Variants in TMCO4 observed in about 807,000 individuals in gnomAD.
The protein encoded by TMCO4 is transmembrane and coiled-coil domains 4.
In TMCO4, 58 loss-of-function variants were observed where a neutral mutation model predicts 64.7. That is an observed-to-expected ratio of 0.90 (90% CI 0.73 to 1.12). The LOEUF (loss-of-function observed/expected upper bound fraction) is 1.12. Among genes scored for constraint, TMCO4 ranks in the 50% most tolerant of loss-of-function variants. The probability of loss-of-function intolerance (pLI) is 0.00; values close to 1 mark genes in which losing one functional copy is unlikely to be tolerated. For synonymous variants in TMCO4, 325 were observed against 346.1 expected, an observed-to-expected ratio of 0.94 and a Z score of 0.68; for missense variants, 780 against 825.9, an observed-to-expected ratio of 0.94 and a Z score of 0.68.
intron 6 of TMCO4, among the ~76,000 whole-genome samples, chr1:19,759,569 C>A (rs541548460): frequency 6.6e-6 from 1 of 152,350 alleles, no homozygotes; most frequent in Non-Finnish European, 1.5e-5. Context: ...CAGGCACCAG[C>A]AGCTCAAGAA....
chr1:19,697,463 T>G (rs1213446374), intron 14 of TMCO4, among the ~76,000 whole-genome samples: 1 of 149,678 alleles, frequency 6.7e-6, no homozygotes, highest in Non-Finnish European at 1.5e-5. Context: ...AGACATAGTC[T>G]CGCTCTGTTG....
At chr1:19,690,150 A>G (rs756704805) in intron 15 of TMCO4, among the ~76,000 whole-genome samples, 2 of 152,214 alleles carry the variant, frequency 1.3e-5, no homozygotes, top group African/African-American at 4.8e-5. Flanking sequence ...TCATCACTCA[A>G]TAAAACTCCT....
intron 2 of TMCO4, among the ~76,000 whole-genome samples, chr1:19,797,736 C>T (rs1046490467): frequency 7.3e-5 from 11 of 151,530 alleles, no homozygotes; most frequent in African/African-American, 9.7e-5. Context: ...TGATGGTGGG[C>T]GCCTGTAGTT....
intron 13 of TMCO4, among the ~76,000 whole-genome samples, chr1:19,714,877 C>T (rs1023815013): frequency 5.3e-5 from 8 of 151,932 alleles, no homozygotes; most frequent in Non-Finnish European, 1.0e-4. Flanking sequence ...AAGCCCAGAT[C>T]GCGCCACTGC....
intron 8 of TMCO4, 24 bp downstream of exon 8, chr1:19,747,139 G>C (rs1227826823): frequency 6.2e-6 from 10 of 1,610,230 alleles, no homozygotes; most frequent in Middle Eastern, 1.7e-4. Flanking sequence ...CCAGACGTGT[G>C]CCACCATCTC....
Position 19,700,761 on chromosome 1 carries a change from G to C in TMCO4, c.1382+7C>G. ...CACTTCCCCGCTGGCACGAGGTTTG[G>C]ACAGACCTGCAGTAGCCGTTGATGA... On this transcript the variant is annotated splice_region_variant and intron_variant, in intron 14 of 15. Coordinates refer to ENST00000294543, the MANE Select transcript of TMCO4 (RefSeq NM_181719.7). 6.2e-7 allele frequency: 1 copy of C among 1,612,814 alleles called. No individual in the cohort carries two copies. Among genetic ancestry groups the C allele is most frequent in the Non-Finnish European group, 8.5e-7 (1 of 1,178,816 alleles).
At chr1:19,744,967 T>C (rs1410168834) in intron 10 of TMCO4, among the ~76,000 whole-genome samples, 2 of 151,944 alleles carry the variant, frequency 1.3e-5, no homozygotes, top group African/African-American at 4.8e-5. Flanking sequence ...ACTTTATAAA[T>C]ACCGCTACAT....
chr1:19,778,561 G>A lies in TMCO4; in HGVS notation c.179+2019C>T, dbSNP rs114617112. Among the ~76,000 whole-genome samples the A allele has an allele frequency of 3.3e-3, 505 of 152,240 alleles. 1 individual carries two copies. The highest frequency in any genetic ancestry group is 0.014 in the Middle Eastern group (4 of 294). ...ATTACAGGCGTGAGCCACTGCACCC[G>A]GCTACATCATCTCATTTAATTCCTG... On this transcript the variant is annotated intron_variant, in intron 4 of 15. Transcript: ENST00000294543.
At chr1:19,735,355 G>A (rs967720511) in intron 13 of TMCO4, among the ~76,000 whole-genome samples, 1 of 152,162 alleles carries the variant, frequency 6.6e-6, no homozygotes, top group Non-Finnish European at 1.5e-5. Context: ...CTAGCCCAAG[G>A]TCCGACAGCC....
chr1:19,748,865 T>C (rs1176923614), intron 7 of TMCO4, among the ~76,000 whole-genome samples: 1 of 141,790 alleles, frequency 7.1e-6, no homozygotes, highest in African/African-American at 2.5e-5. Flanking sequence ...TGAAATAAAA[T>C]ACATAAGTAA....
intron 2 of TMCO4, among the ~76,000 whole-genome samples, chr1:19,795,565 C>T (rs924475418): frequency 2.6e-5 from 4 of 152,134 alleles, no homozygotes; most frequent in African/African-American, 7.2e-5. Flanking sequence ...ATGTTAGCCA[C>T]GTGTCACCTC....
intron 13 of TMCO4, among the ~76,000 whole-genome samples, chr1:19,701,591 C>T (rs2095272644): frequency 6.6e-6 from 1 of 152,182 alleles, no homozygotes; most frequent in Non-Finnish European, 1.5e-5. Context: ...ACAAAGCTCA[C>T]ACCAGCCGTG....
At chr1:19,722,477 T>C (rs2095389491) in intron 13 of TMCO4, among the ~76,000 whole-genome samples, 1 of 152,126 alleles carries the variant, frequency 6.6e-6, no homozygotes, top group Non-Finnish European at 1.5e-5. Context: ...GTGGGTATCG[T>C]TTGATCTACA....
intron 4 of TMCO4, among the ~76,000 whole-genome samples, chr1:19,774,210 T>C (rs1003776028): frequency 6.6e-6 from 1 of 152,212 alleles, no homozygotes; most frequent in Non-Finnish European, 1.5e-5. Context: ...AGCAAATTTA[T>C]ATACAGAAAG....
rs538675772 is a variant in TMCO4 at position 19,793,191 on chromosome 1, C to T, written c.-101+4946G>A. On this transcript the variant is annotated intron_variant, in intron 2 of 15. Transcript: ENST00000294543. ...CAGCTCCTGGACCCCACCAGGCTTT[C>T]TCTCTCTCTCCTTTTTCTGATTGCA... is the stretch of plus-strand genomic sequence containing the variant. Among the ~76,000 whole-genome samples the T allele has an allele frequency of 4.6e-5, 7 of 152,010 alleles. No homozygotes were observed. The East Asian group carries it at 1.2e-3, about 25-fold the overall frequency.
At position 19,743,972 on chromosome 1, in the gene TMCO4, C is replaced by T. The variant is rs186236726; in HGVS notation, c.877+1560G>A. 6.6e-6 allele frequency among the ~76,000 whole-genome samples: 1 copy of T among 152,306 alleles called. No individual in the cohort carries two copies. Among genetic ancestry groups the T allele is most frequent in the Admixed American group, 6.5e-5 (1 of 15,306 alleles). On this transcript the variant is annotated intron_variant, in intron 10 of 15. Transcript: ENST00000294543. The surrounding 1 kb of genome is among the most constrained non-coding windows in gnomAD (Gnocchi z 4.1). ...CGAGGCGCTCACTGAACGCTAGTGA[C>T]CTCTGTGCATGGGTGGTGCCCGGCG... is the stretch of plus-strand genomic sequence containing the variant.
intron 13 of TMCO4, among the ~76,000 whole-genome samples, chr1:19,724,637 T>C (rs923755292): frequency 6.6e-6 from 1 of 152,186 alleles, no homozygotes; most frequent in Non-Finnish European, 1.5e-5. Flanking sequence ...ATATCCCAAT[T>C]TTACTAATTA....
At chr1:19,789,070 G>C (rs948165475) in intron 2 of TMCO4, among the ~76,000 whole-genome samples, 2 of 146,346 alleles carry the variant, frequency 1.4e-5, no homozygotes, top group Admixed American at 1.4e-4. Flanking sequence ...GTGAGACTCT[G>C]TCTCACAAAA....
intron 4 of TMCO4, among the ~76,000 whole-genome samples, chr1:19,779,102 G>A (rs1242100789): frequency 6.6e-6 from 1 of 152,188 alleles, no homozygotes; most frequent in Non-Finnish European, 1.5e-5. Flanking sequence ...AAGGCATGAA[G>A]GAAGTTTACT....
Sources: gnomAD v4.1 joint callset for allele counts (sites outside exome capture counted in the v4.1 genomes callset) on GRCh38, gnomAD v4.1.1 for gene constraint, Gnocchi (gnomAD v3.1) non-coding constraint, MANE v1.5 for transcripts, NCBI Gene and HGNC (gene_info 2026-07-23, HGNC 2026-07-21) for gene names.